Variants in EBF2 observed in about 807,000 individuals in gnomAD.
The protein encoded by EBF2 is EBF transcription factor 2, also known as transcription factor COE2.
In EBF2, 21 loss-of-function variants were observed where a neutral mutation model predicts 72.8. That is an observed-to-expected ratio of 0.29 (90% CI 0.20 to 0.42). The LOEUF (loss-of-function observed/expected upper bound fraction) is 0.42. Ranked by LOEUF, EBF2 falls within the 10% of genes least tolerant of loss-of-function variation. EBF2 has a pLI of 1.00. For missense variants in EBF2, 637 were observed against 731.2 expected, an observed-to-expected ratio of 0.87 and a Z score of 1.49; for synonymous variants, 299 against 274.2, an observed-to-expected ratio of 1.09 and a Z score of -0.89.
intron 6 of EBF2, among the ~76,000 whole-genome samples, chr8:25,979,171 C>T (rs189000133): frequency 6.6e-6 from 1 of 152,310 alleles, no homozygotes; most frequent in African/African-American, 2.4e-5. Flanking sequence ...TGCTGTGTGT[C>T]CCGCAGATGC....
At chr8:26,039,320 G>C (rs186957076) in intron 5 of EBF2, among the ~76,000 whole-genome samples, 1 of 152,284 alleles carries the variant, frequency 6.6e-6, no homozygotes, top group East Asian at 1.9e-4. Flanking sequence ...TGGGAAAGGT[G>C]CAGGAACGCC....
chr8:25,998,122 G>A (rs1234012824), intron 6 of EBF2, among the ~76,000 whole-genome samples: 1 of 152,114 alleles, frequency 6.6e-6, no homozygotes, highest in Non-Finnish European at 1.5e-5. Context: ...GTCTTCTTAG[G>A]CCTTCTTCCC....
intron 7 of EBF2, among the ~76,000 whole-genome samples, chr8:25,898,818 C>T (rs1419988898): frequency 1.3e-5 from 2 of 152,178 alleles, no homozygotes; most frequent in African/African-American, 4.8e-5. Context: ...AGCTGAGGAA[C>T]TATGCACTCT....
intron 6 of EBF2, among the ~76,000 whole-genome samples, chr8:25,963,028 A>G (rs1237761657): frequency 1.3e-5 from 2 of 152,210 alleles, no homozygotes; most frequent in Non-Finnish European, 2.9e-5. Flanking sequence ...AAATCCAATT[A>G]GACATGGGAG....
intron 6 of EBF2, among the ~76,000 whole-genome samples, chr8:26,000,534 C>G (rs1227626147): frequency 2.0e-5 from 3 of 152,158 alleles, no homozygotes; most frequent in African/African-American, 7.2e-5. Flanking sequence ...TTCATTTGTT[C>G]CTTTAATCAA....
intron 10 of EBF2, among the ~76,000 whole-genome samples, chr8:25,878,003 G>A (rs1467617055): frequency 6.6e-6 from 1 of 152,178 alleles, no homozygotes; most frequent in African/African-American, 2.4e-5. Flanking sequence ...ACACCTTTGG[G>A]TAACAGCATA....
chr8:26,035,942 A>T (rs1369352057), intron 5 of EBF2, among the ~76,000 whole-genome samples: 1 of 151,900 alleles, frequency 6.6e-6, no homozygotes, highest in Non-Finnish European at 1.5e-5. Context: ...TGTCAACGTA[A>T]TACCTTTGCA....
chr8:25,858,651 CTTTTTTTTTT>C (rs34189731), intron 13 of EBF2, 147 bp from the exon 14 acceptor site: 2 of 136,330 alleles, frequency 1.5e-5, no homozygotes, highest in East Asian at 1.8e-4. Flanking sequence ...CCATCTTTAG[CTTTTTTTTTT>C]TTTTTTTTTT....
intron 10 of EBF2, among the ~76,000 whole-genome samples, chr8:25,872,306 T>C (rs533874747): frequency 2.6e-5 from 4 of 152,200 alleles, no homozygotes; most frequent in Admixed American, 6.5e-5. Flanking sequence ...GAGAAGATGA[T>C]GATGAGTGAG....
At chr8:25,932,006 G>A (rs1045122638) in intron 6 of EBF2, among the ~76,000 whole-genome samples, 1 of 152,142 alleles carries the variant, frequency 6.6e-6, no homozygotes, top group African/African-American at 2.4e-5. Context: ...GATCTTGCTA[G>A]CAAGGCATTC....
intron 6 of EBF2, among the ~76,000 whole-genome samples, chr8:25,953,508 GA>G (rs1269867816): frequency 1.3e-5 from 2 of 152,204 alleles, no homozygotes; most frequent in Non-Finnish European, 2.9e-5. Context: ...TTGCCTCCCA[GA>G]ATGGGTGGTG....
chr8:26,033,400 C>T (rs991748787), intron 5 of EBF2, among the ~76,000 whole-genome samples: 2 of 152,140 alleles, frequency 1.3e-5, no homozygotes, highest in Non-Finnish European at 2.9e-5. Context: ...CAGCTAATTT[C>T]TGTATTTTTA....
chr8:25,930,226 G>A (rs79060622), intron 6 of EBF2, among the ~76,000 whole-genome samples: 5,992 of 152,080 alleles, frequency 0.039, 155 homozygotes, highest in South Asian at 0.073. Context: ...TATCTCCTTC[G>A]CAACTAAATG....
intron 6 of EBF2, among the ~76,000 whole-genome samples, chr8:26,005,870 C>A (rs1450168486): frequency 6.6e-6 from 1 of 150,900 alleles, no homozygotes; most frequent in Non-Finnish European, 1.5e-5. Context: ...TAGAAAGACT[C>A]ATGCTTTGAA....
At chr8:26,012,957 C>A (rs1406115432) in intron 6 of EBF2, among the ~76,000 whole-genome samples, 1 of 152,170 alleles carries the variant, frequency 6.6e-6, no homozygotes, top group Non-Finnish European at 1.5e-5. Flanking sequence ...ATAAAAATCC[C>A]TGCCCACCTG....
intron 10 of EBF2, among the ~76,000 whole-genome samples, chr8:25,879,508 A>G (rs1285930044): frequency 6.6e-6 from 1 of 152,150 alleles, no homozygotes; most frequent in Non-Finnish European, 1.5e-5. Context: ...TATGACACCT[A>G]CCCATCTCCT....
At chr8:26,040,910 C>A in intron 3 of EBF2, 29 bp downstream of exon 3, 1 of 1,613,840 alleles carries the variant, frequency 6.2e-7, no homozygotes, top group Non-Finnish European at 8.5e-7. Context: ...TGCTAGGCGC[C>A]GGCTCACCGT....
intron 6 of EBF2, among the ~76,000 whole-genome samples, chr8:25,918,262 T>C (rs537128816): frequency 1.3e-5 from 2 of 152,208 alleles, no homozygotes; most frequent in Non-Finnish European, 2.9e-5. Flanking sequence ...CTATGTAATG[T>C]TATATTCTTA....
intron 6 of EBF2, among the ~76,000 whole-genome samples, chr8:25,975,824 G>A (rs565792185): frequency 9.2e-5 from 14 of 152,122 alleles, no homozygotes; most frequent in Non-Finnish European, 2.1e-4. Context: ...GGGTTAATAG[G>A]CAGAAAATTA....
Sources: allele counts gnomAD v4.1 joint callset (sites outside exome capture counted in the v4.1 genomes callset), GRCh38; gene constraint gnomAD v4.1.1; transcripts MANE v1.5; gene names NCBI Gene and HGNC (gene_info 2026-07-23, HGNC 2026-07-21).